LINGO2: variants seen among roughly 807,000 people sequenced by gnomAD.
LINGO2 encodes leucine rich repeat and Ig domain containing 2, also known as leucine-rich repeat and immunoglobulin-like domain-containing nogo receptor-interacting protein 2.
Under a neutral mutation model 30.6 loss-of-function variants are expected in LINGO2, and 14 were observed. That is an observed-to-expected ratio of 0.46 (90% CI 0.30 to 0.72). The LOEUF is 0.72. Ranked by LOEUF, LINGO2 falls within the 30% of genes least tolerant of loss-of-function variation. LINGO2 has a pLI of 0.07. For missense variants in LINGO2, 729 were observed against 751.7 expected (o/e 0.97, Z 0.35); for synonymous variants, 317 against 288.5 (o/e 1.10, Z -1.00).
intron 1 of LINGO2, among the ~76,000 whole-genome samples, chr9:28,547,938 T>G (rs1441327208): frequency 6.6e-6 from 1 of 152,132 alleles, no homozygotes; most frequent in Non-Finnish European, 1.5e-5. Context: ...TAGTATTTTA[T>G]GGTACTTTTG....
At chr9:29,071,456 C>G in the LINGO2 span, among the ~76,000 whole-genome samples, 5 of 141,756 alleles carry the variant, frequency 3.5e-5, no homozygotes, top group African/African-American at 5.3e-5. Context: ...TAATACACAA[C>G]TATTGCTGCT....
chr9:28,502,834 T>C (rs149821052), intron 1 of LINGO2, among the ~76,000 whole-genome samples: 3,381 of 152,178 alleles, frequency 0.022, 61 homozygotes, highest in Middle Eastern at 0.041. Context: ...AAAATGTACT[T>C]TCGGGAGAGT....
chr9:28,134,385 G>T (rs576979721), intron 4 of LINGO2, among the ~76,000 whole-genome samples: 33 of 152,104 alleles, frequency 2.2e-4, no homozygotes, highest in Non-Finnish European at 4.4e-4. Context: ...GGAAAACAAA[G>T]AAACAAACAA....
At chr9:28,806,190 A>G in the LINGO2 span, among the ~76,000 whole-genome samples, 1 of 152,174 alleles carries the variant, frequency 6.6e-6, no homozygotes, top group African/African-American at 2.4e-5. Flanking sequence ...TCTACTACAG[A>G]TAAAATCTCC....
At chr9:27,981,843 CCTGA>C (rs761046282) in intron 5 of LINGO2, among the ~76,000 whole-genome samples, 10 of 151,740 alleles carry the variant, frequency 6.6e-5, no homozygotes, top group South Asian at 4.1e-4. Context: ...TTTTCTACTC[CCTGA>C]CTATTTGGAT....
At chr9:28,846,545 C>G in the LINGO2 span, among the ~76,000 whole-genome samples, 17 of 147,970 alleles carry the variant, frequency 1.1e-4, 1 homozygote, top group Admixed American at 1.1e-3. Flanking sequence ...GATAACACTG[C>G]AGCTAAAGAC....
the LINGO2 span, among the ~76,000 whole-genome samples, chr9:28,786,470 T>C: frequency 1.2e-4 from 19 of 152,284 alleles, no homozygotes; most frequent in East Asian, 1.7e-3. Context: ...AAATGTTCCA[T>C]AGAATAGCTA....
chr9:28,717,490 T>C, the LINGO2 span, among the ~76,000 whole-genome samples: 6 of 152,100 alleles, frequency 3.9e-5, no homozygotes, highest in East Asian at 1.2e-3. Flanking sequence ...CATGAGATTT[T>C]GGAAAGCAAT....
chr9:27,942,015 T>C, the LINGO2 span: 2 of 152,182 alleles, frequency 1.3e-5, no homozygotes. Context: ...GCCCATTACT[T>C]GCTTATGTTA....
At chr9:28,348,131 T>G (rs1199940474) in intron 3 of LINGO2, among the ~76,000 whole-genome samples, 6 of 152,100 alleles carry the variant, frequency 3.9e-5, no homozygotes. Flanking sequence ...AAAATGCTGT[T>G]CACGGTGGAG....
intron 3 of LINGO2, among the ~76,000 whole-genome samples, chr9:28,350,065 T>C (rs1030232290): frequency 4.6e-4 from 70 of 151,594 alleles, no homozygotes; most frequent in Middle Eastern, 3.4e-3. Flanking sequence ...GTAAAGACCA[T>C]TGAGACTAGG....
the LINGO2 span, among the ~76,000 whole-genome samples, chr9:28,981,367 T>G: frequency 3.5e-5 from 3 of 85,632 alleles, no homozygotes; most frequent in African/African-American, 1.0e-4. Context: ...CTACTTAAGA[T>G]CCTTAGATTA....
At chr9:27,961,007 C>G (rs568505738) in intron 5 of LINGO2, among the ~76,000 whole-genome samples, 22 of 152,222 alleles carry the variant, frequency 1.4e-4, no homozygotes, top group South Asian at 1.2e-3. Context: ...TTCAACTTTA[C>G]AATGGTGTGA....
chr9:29,117,542 G>T, the LINGO2 span, among the ~76,000 whole-genome samples: 1 of 151,944 alleles, frequency 6.6e-6, no homozygotes, highest in African/African-American at 2.4e-5. Flanking sequence ...AAAGAGATTG[G>T]ACTTTAATAC....
the LINGO2 span, among the ~76,000 whole-genome samples, chr9:28,772,830 A>T: frequency 6.6e-6 from 1 of 152,148 alleles, no homozygotes; most frequent in African/African-American, 2.4e-5. Flanking sequence ...TCCAGTAGTT[A>T]AGTAATATAC....
chr9:28,580,626 A>G (rs16913331), intron 1 of LINGO2, among the ~76,000 whole-genome samples: 1,866 of 152,158 alleles, frequency 0.012, 45 homozygotes, highest in African/African-American at 0.042. Flanking sequence ...TTGTATGGTT[A>G]TACTGTCTGC....
Position 28,148,373 on chromosome 9 carries a change from T to C in LINGO2, c.-86-135968A>G. 1 of 1,136,844 alleles carries C rather than the reference T, an allele frequency of 8.8e-7. No homozygotes were observed. The highest frequency in any genetic ancestry group is 2.0e-5 in the Admixed American group (1 of 50,314). 70.4% of individuals were successfully genotyped at this position (1,136,844 alleles called of 1,614,324 possible). ...GAGGATTCCTCATCTCAGAGGCAAGTTTAACCTTCAACTTCCTTCATTAGA... is the reference window on the plus strand; with the variant it reads ...GAGGATTCCTCATCTCAGAGGCAAGCTTAACCTTCAACTTCCTTCATTAGA... On this transcript the variant is annotated intron_variant, in intron 4 of 5. Coordinates refer to ENST00000379992, the Ensembl canonical transcript of LINGO2. This position sits in a 1 kb window ranked among gnomAD's most constrained non-coding sequence, Gnocchi z 5.1.
chr9:28,195,991 A>C (rs1481059686), intron 4 of LINGO2, among the ~76,000 whole-genome samples: 1 of 151,622 alleles, frequency 6.6e-6, no homozygotes, highest in Admixed American at 6.6e-5. Flanking sequence ...CTTTAACATA[A>C]ATAAATATAT....
At chr9:28,211,277 C>G (rs1017661008) in intron 4 of LINGO2, among the ~76,000 whole-genome samples, 2 of 150,250 alleles carry the variant, frequency 1.3e-5, no homozygotes, top group Non-Finnish European at 3.0e-5. Context: ...ACCAAGAAAA[C>G]TCCAAATTCC....
Sources: allele counts gnomAD v4.1 joint callset (sites outside exome capture counted in the v4.1 genomes callset), GRCh38; gene constraint gnomAD v4.1.1; non-coding constraint Gnocchi (gnomAD v3.1); transcripts MANE v1.5; gene names NCBI Gene and HGNC (gene_info 2026-07-23, HGNC 2026-07-21).